FANCB: variants seen among roughly 807,000 people sequenced by gnomAD.
FANCB encodes Fanconi anemia group B protein.
In FANCB, 5 loss-of-function variants were observed where a neutral mutation model predicts 38.9. The ratio of observed to expected loss-of-function variants is 0.13; its 90% CI spans 0.07 to 0.27. The LOEUF is 0.27. Ranked by LOEUF, FANCB falls within the 10% of genes least tolerant of loss-of-function variation. FANCB has a pLI of 1.00. For synonymous variants in FANCB, 236 were observed against 215.4 expected, an observed-to-expected ratio of 1.10 and a Z score of -0.84; for missense variants, 573 against 602.7, an observed-to-expected ratio of 0.95 and a Z score of 0.52.
chrX:14,696,827 T>C, the FANCB span, among the ~76,000 whole-genome samples: 2 of 112,135 alleles, frequency 1.8e-5, no homozygotes, highest in Non-Finnish European at 3.8e-5. Flanking sequence ...GCTATGTTTA[T>C]TGAGAAATGC....
At chrX:14,771,776 C>T in the FANCB span, among the ~76,000 whole-genome samples, 1 of 111,991 alleles carries the variant, frequency 8.9e-6, no homozygotes, top group Non-Finnish European at 1.9e-5. Flanking sequence ...GTGGGGTTAT[C>T]TACCTTCAAT....
At chrX:14,780,922 T>C in the FANCB span, among the ~76,000 whole-genome samples, 1 of 109,947 alleles carries the variant, frequency 9.1e-6, no homozygotes, top group Non-Finnish European at 1.9e-5. Context: ...GGTGTCCCAA[T>C]TTTTTCCCCA....
downstream of FANCB, chrX:14,835,817 G>A (rs1253485453): frequency 8.9e-6 from 1 of 112,886 alleles, no homozygotes; most frequent in African/African-American, 3.2e-5. Flanking sequence ...CTTGTACACT[G>A]TTGGTGGGAA....
At chrX:14,749,503 C>T in the FANCB span, among the ~76,000 whole-genome samples, 1 of 111,402 alleles carries the variant, frequency 9.0e-6, no homozygotes, top group Admixed American at 9.5e-5. Flanking sequence ...ATGTACACTA[C>T]AGCCGTGTGG....
At position 14,865,057 on chromosome X, in the gene FANCB, A is replaced by G. The variant is rs2092463362; in HGVS notation, c.454T>C (p.Phe152Leu). ...ACTTTGCCAGTTTGAGAAGAGATAA[A>G]GAAGAATGCTTTGACATGCCTCCAT... ...ILWRHVKAFF[F>L]ISSQTGKVVS... is the part of the protein sequence containing the mutation. The change falls in exon 3 of 10, where the codon TTT becomes CTT. Residue 152 changes from phenylalanine (F) to leucine (L), a missense_variant. Transcript: ENST00000650831. 1 of 1,210,709 alleles carries G rather than the reference A, an allele frequency of 8.3e-7. No individual in the cohort carries two copies. The highest frequency in any genetic ancestry group is 1.1e-6 in the Non-Finnish European group (1 of 894,983).
chrX:14,755,195 T>C, the FANCB span, among the ~76,000 whole-genome samples: 1 of 111,882 alleles, frequency 8.9e-6, no homozygotes, highest in Non-Finnish European at 1.9e-5. Context: ...GCTAGCATCA[T>C]ACCAAATGGG....
At chrX:14,851,177 G>A (rs181139990) in intron 6 of FANCB, among the ~76,000 whole-genome samples, 1 of 111,953 alleles carries the variant, frequency 8.9e-6, no homozygotes, top group African/African-American at 3.2e-5. Context: ...ACATTCGAAA[G>A]AGTAGTAATA....
At chrX:14,712,218 A>G in the FANCB span, among the ~76,000 whole-genome samples, 1 of 112,516 alleles carries the variant, frequency 8.9e-6, no homozygotes, top group Non-Finnish European at 1.9e-5. Context: ...TAGATAATTC[A>G]TGCTTTGTGG....
chrX:14,729,235 C>T, the FANCB span, among the ~76,000 whole-genome samples: 1 of 111,819 alleles, frequency 8.9e-6, no homozygotes, highest in Admixed American at 9.5e-5. Flanking sequence ...TTTAGTGCCT[C>T]TGGTGACTCA....
the FANCB span, among the ~76,000 whole-genome samples, chrX:14,815,150 C>G: frequency 1.8e-5 from 2 of 110,323 alleles, no homozygotes; most frequent in African/African-American, 3.3e-5. Context: ...GCAGGGAACA[C>G]CACACACCAG....
At chrX:14,772,774 T>C in the FANCB span, among the ~76,000 whole-genome samples, 1 of 111,598 alleles carries the variant, frequency 9.0e-6, no homozygotes, top group Non-Finnish European at 1.9e-5. Flanking sequence ...CGACTCCACA[T>C]AGCTCTGTGT....
chrX:14,859,077 T>G, intron 4 of FANCB, 105 bp downstream of exon 4: 1 of 492,194 alleles, frequency 2.0e-6, no homozygotes, highest in Non-Finnish European at 3.4e-6. Flanking sequence ...TTCAAAATTT[T>G]AAGTATAAAA....
chrX:14,782,532 T>C, the FANCB span, among the ~76,000 whole-genome samples: 5 of 111,937 alleles, frequency 4.5e-5, no homozygotes, highest in Admixed American at 2.8e-4. Flanking sequence ...CAGGAATAAT[T>C]TGTGACCCAG....
the FANCB span, among the ~76,000 whole-genome samples, chrX:14,819,556 G>A: frequency 6.3e-5 from 7 of 111,693 alleles, no homozygotes; most frequent in Admixed American, 6.6e-4. Flanking sequence ...AAAGACCTCA[G>A]AGGAACCTGG....
At chrX:14,863,900 C>A (rs931440620) in intron 3 of FANCB, among the ~76,000 whole-genome samples, 1 of 111,746 alleles carries the variant, frequency 8.9e-6, no homozygotes, top group Admixed American at 9.5e-5. Flanking sequence ...TTTGGGAGGC[C>A]GAGGCAGGCG....
the FANCB span, among the ~76,000 whole-genome samples, chrX:14,814,627 T>C: frequency 8.9e-6 from 1 of 112,194 alleles, no homozygotes; most frequent in African/African-American, 3.2e-5. Context: ...TGAGATACCA[T>C]CTCACACCAG....
chrX:14,844,437 A>T, intron 9 of FANCB, 66 bp downstream of exon 9: 2 of 790,744 alleles, frequency 2.5e-6, no homozygotes, highest in Non-Finnish European at 3.9e-6. Flanking sequence ...TCGCTGTTGA[A>T]CCACACATTG....
chrX:14,815,291 C>T, the FANCB span, among the ~76,000 whole-genome samples: 2 of 107,672 alleles, frequency 1.9e-5, no homozygotes, highest in African/African-American at 3.4e-5. Flanking sequence ...GCACGTTGTG[C>T]ACATGTACCC....
chrX:14,865,444 G>C lies in FANCB; in HGVS notation c.67C>G (p.Leu23Val), dbSNP rs761024549. 6.6e-6 allele frequency: 8 copies of C among 1,210,087 alleles called. No individual in the cohort carries two copies. Among genetic ancestry groups the C allele is most frequent in the Non-Finnish European group, 8.9e-6 (8 of 894,707 alleles). The change falls in exon 3 of 10, where the codon CTT (leucine) becomes GTT (valine). Residue 23 changes from leucine (L) to valine (V), a missense_variant. Physicochemically the swap from Leu to Val is conservative, Grantham distance 32 (BLOSUM62 1). Transcript: ENST00000650831. ...TTTCCTTTAGACAACTGGAAAACAA[G>C]GACTTCCCCATTATAACACAAGAGC... ...ERLLCYNGEV[L>V]VFQLSKGNFA...
Sources: gnomAD v4.1 joint callset for allele counts (sites outside exome capture counted in the v4.1 genomes callset) on GRCh38, gnomAD v4.1.1 for gene constraint, MANE v1.5 for transcripts, NCBI Gene and HGNC (gene_info 2026-07-23, HGNC 2026-07-21) for gene names.